CDH12: variants seen among roughly 807,000 people sequenced by gnomAD.
CDH12 encodes cadherin 12.
In CDH12, 41 loss-of-function variants were observed where a neutral mutation model predicts 74.1. That is an observed-to-expected ratio of 0.55 (90% CI 0.43 to 0.72). The LOEUF (loss-of-function observed/expected upper bound fraction) is 0.72. Ranked by LOEUF, CDH12 falls within the 30% of genes least tolerant of loss-of-function variation. The pLI, the probability that CDH12 is intolerant of heterozygous loss-of-function variation, is 0.00. For missense variants in CDH12, 945 were observed against 977.2 expected (o/e 0.97, Z 0.44); for synonymous variants, 399 against 355.0 (o/e 1.12, Z -1.39).
intron 1 of CDH12, among the ~76,000 whole-genome samples, chr5:22,720,041 C>CAT (rs1002435350): frequency 6.6e-6 from 1 of 151,556 alleles, no homozygotes; most frequent in African/African-American, 2.4e-5. Flanking sequence ...AAACACAACA[C>CAT]ACACACACAC....
chr5:21,924,936 T>C (rs1754521370), intron 6 of CDH12, among the ~76,000 whole-genome samples: 1 of 152,232 alleles, frequency 6.6e-6, no homozygotes, highest in Non-Finnish European at 1.5e-5. Context: ...ATCCAACATA[T>C]AGCATATGCC....
chr5:22,625,365 T>G (rs1233516600), intron 1 of CDH12, among the ~76,000 whole-genome samples: 2 of 152,006 alleles, frequency 1.3e-5, no homozygotes, highest in Non-Finnish European at 2.9e-5. Flanking sequence ...AGAGGCAAGT[T>G]GAACATGTGA....
intron 6 of CDH12, among the ~76,000 whole-genome samples, chr5:21,902,815 T>C (rs567449240): frequency 2.0e-5 from 3 of 152,280 alleles, no homozygotes; most frequent in African/African-American, 7.2e-5. Context: ...TTGGAGAGTA[T>C]GACTCTATTA....
chr5:22,755,328 A>T (rs1403773944), intron 1 of CDH12, among the ~76,000 whole-genome samples: 2 of 152,100 alleles, frequency 1.3e-5, no homozygotes, highest in Non-Finnish European at 2.9e-5. Context: ...TGTTGTTTTT[A>T]TATCATGTTA....
chr5:21,914,496 C>G (rs556313761), intron 6 of CDH12, among the ~76,000 whole-genome samples: 2 of 151,980 alleles, frequency 1.3e-5, no homozygotes, highest in Non-Finnish European at 2.9e-5. Context: ...TGTATATATA[C>G]ATATATACAT....
chr5:22,047,987 T>C (rs1740080773), intron 5 of CDH12, among the ~76,000 whole-genome samples: 1 of 152,180 alleles, frequency 6.6e-6, no homozygotes, highest in Non-Finnish European at 1.5e-5. Flanking sequence ...AGACTTCATA[T>C]TGTTTTCTCC....
chr5:22,024,679 A>AT lies in CDH12; in HGVS notation c.232-49295dup, dbSNP rs1419357241. On this transcript the variant is annotated intron_variant, in intron 5 of 14. Transcript: ENST00000382254. The stretch of plus-strand genomic sequence containing the variant: ...AGGCACATGCTACCATGCCTGGCTA[A>AT]TTTTTTTGTATTTTAGTAGAGACAA... 4.6e-5 allele frequency among the ~76,000 whole-genome samples: 7 copies of AT among 152,004 alleles called. No homozygotes were observed. In the East Asian group the frequency reaches 5.8e-4, roughly 13 times the overall value.
chr5:22,449,211 G>A (rs1031651026), intron 2 of CDH12, among the ~76,000 whole-genome samples: 5 of 151,950 alleles, frequency 3.3e-5, no homozygotes, highest in African/African-American at 1.2e-4. Context: ...ATGACAGAAC[G>A]AACAACAGTT....
rs1449337754 is a variant in CDH12 at position 22,366,826 on chromosome 5, G to A, written c.-333+38431C>T. On this transcript the variant is annotated intron_variant, in intron 3 of 14. Coordinates refer to ENST00000382254, the MANE Select transcript of CDH12 (RefSeq NM_004061.5). ...GAGATTATTTGAGTATAACTGAATGGAGTACTAATCAGCCCTGTACTGAGT... is the reference window on the plus strand; with the variant it reads ...GAGATTATTTGAGTATAACTGAATGAAGTACTAATCAGCCCTGTACTGAGT... 2.0e-5 allele frequency among the ~76,000 whole-genome samples: 3 copies of A among 152,118 alleles called. No individual in the cohort carries two copies. The East Asian group carries it at 5.8e-4, about 29-fold the overall frequency.
At chr5:21,986,784 C>T (rs1446980970) in intron 5 of CDH12, among the ~76,000 whole-genome samples, 2 of 152,150 alleles carry the variant, frequency 1.3e-5, no homozygotes, top group Admixed American at 6.5e-5. Flanking sequence ...ACTATAGTTA[C>T]ATATCATTTC....
intron 6 of CDH12, among the ~76,000 whole-genome samples, chr5:21,970,695 C>T (rs1214504866): frequency 1.3e-5 from 2 of 151,552 alleles, no homozygotes; most frequent in African/African-American, 4.9e-5. Context: ...CAAGAATTAG[C>T]TGAGTGTGGT....
chr5:21,969,720 A>G (rs1341432715), intron 6 of CDH12, among the ~76,000 whole-genome samples: 1 of 152,236 alleles, frequency 6.6e-6, no homozygotes, highest in Non-Finnish European at 1.5e-5. Context: ...GCTGTTTTAC[A>G]CTGCTAAGGT....
chr5:22,779,116 A>G (rs932046344), intron 1 of CDH12, among the ~76,000 whole-genome samples: 20 of 152,216 alleles, frequency 1.3e-4, no homozygotes, highest in African/African-American at 4.6e-4. Flanking sequence ...ATTTGCTTCA[A>G]TCCTGAAGGA....
intron 1 of CDH12, among the ~76,000 whole-genome samples, chr5:22,581,003 G>T (rs1740068598): frequency 6.6e-6 from 1 of 152,084 alleles, no homozygotes; most frequent in African/African-American, 2.4e-5. Flanking sequence ...TTTATCAAAG[G>T]ACCAGACTTT....
chr5:22,006,600 A>G (rs1736973345), intron 5 of CDH12, among the ~76,000 whole-genome samples: 1 of 152,174 alleles, frequency 6.6e-6, no homozygotes, highest in Non-Finnish European at 1.5e-5. Context: ...TGAAGGCTTT[A>G]GTGAGTTCAC....
At chr5:21,843,635 C>A (rs1024368736) in intron 7 of CDH12, among the ~76,000 whole-genome samples, 10 of 152,018 alleles carry the variant, frequency 6.6e-5, no homozygotes, top group African/African-American at 2.4e-4. Flanking sequence ...CTGCATCAGC[C>A]TCCGGAGTAG....
intron 1 of CDH12, among the ~76,000 whole-genome samples, chr5:22,647,892 T>G (rs1448711766): frequency 6.6e-6 from 1 of 151,930 alleles, no homozygotes; most frequent in Non-Finnish European, 1.5e-5. Context: ...AATATTGTCT[T>G]ATAAATGTTT....
intron 2 of CDH12, among the ~76,000 whole-genome samples, chr5:22,495,927 A>G (rs1747090232): frequency 6.6e-6 from 1 of 152,190 alleles, no homozygotes; most frequent in African/African-American, 2.4e-5. Context: ...TATGGAACTT[A>G]CTTTTTTACA....
At chr5:22,620,174 A>G (rs1737901255) in intron 1 of CDH12, among the ~76,000 whole-genome samples, 1 of 152,144 alleles carries the variant, frequency 6.6e-6, no homozygotes, top group Non-Finnish European at 1.5e-5. Flanking sequence ...CACAAATAAG[A>G]GTTTTCATTT....
Sources: gnomAD v4.1 joint callset for allele counts (sites outside exome capture counted in the v4.1 genomes callset) on GRCh38, gnomAD v4.1.1 for gene constraint, MANE v1.5 for transcripts, NCBI Gene and HGNC (gene_info 2026-07-23, HGNC 2026-07-21) for gene names.